TMEM202: variants seen among roughly 807,000 people sequenced by gnomAD.
TMEM202 encodes transmembrane protein 202.
TMEM202 carries 25 observed loss-of-function variants against 26.1 expected under a neutral mutation model. The ratio of observed to expected loss-of-function variants is 0.96; its 90% CI spans 0.70 to 1.34. The LOEUF is 1.34. Among genes scored for constraint, TMEM202 ranks in the 40% most tolerant of loss-of-function variants. The pLI is 0.00. For missense variants in TMEM202, 301 were observed against 327.7 expected, an observed-to-expected ratio of 0.92 and a Z score of 0.63; for synonymous variants, 122 against 119.0, an observed-to-expected ratio of 1.02 and a Z score of -0.16.
chr15:72,398,671 A>AAAC lies in TMEM202; in HGVS notation c.102_104dup (p.Lys34_His35insGln). ...CTTGTAGCCTACCGTCCCTGCCAAG[A>AAAC]AACATCCAAGTGCCTCGATGTCATG... On this transcript the variant is annotated inframe_insertion, in exon 2 of 5. Transcript: ENST00000341689. 1 of 1,614,164 alleles carries AAAC rather than the reference A, an allele frequency of 6.2e-7. No homozygotes were observed. Among genetic ancestry groups the AAAC allele is most frequent in the East Asian group, 2.2e-5 (1 of 44,878 alleles).
intron 2 of TMEM202, among the ~76,000 whole-genome samples, chr15:72,401,989 C>T (rs574001316): frequency 3.3e-5 from 5 of 152,030 alleles, no homozygotes; most frequent in Admixed American, 6.5e-5. Context: ...TTTTTGAGAT[C>T]GAATCTCATT....
chr15:72,398,494 A>T, intron 1 of TMEM202, 87 bp downstream of exon 1: 1 of 1,430,220 alleles, frequency 7.0e-7, no homozygotes, highest in Non-Finnish European at 9.4e-7. Flanking sequence ...AAGACAGAAA[A>T]GATCACCCTG....
At position 72,407,154 on chromosome 15, in the gene TMEM202, G is replaced by A. The variant is rs780207968; in HGVS notation, c.556G>A (p.Glu186Lys). 2 of 1,613,454 alleles carry A rather than the reference G, an allele frequency of 1.2e-6. No homozygotes were observed. Among genetic ancestry groups the A allele is most frequent in the South Asian group, 2.2e-5 (2 of 91,040 alleles). The change falls in exon 4 of 5, where the codon GAG becomes AAG. Residue 186 changes from glutamate (E) to lysine (K), a missense_variant. Physicochemically the swap from Glu to Lys is moderately conservative, Grantham distance 56. Coordinates refer to ENST00000341689, the MANE Select transcript of TMEM202 (RefSeq NM_001080462.3). ...QVHWHTRDAM[E>K]SDLLWTYYLN... ...TCACTGGCATACTAGGGATGCCATG[G>A]AGTCAGATCTCCTATGGACCTATTA...
chr15:72,399,135 T>C (rs945426093), intron 2 of TMEM202, among the ~76,000 whole-genome samples: 5 of 152,126 alleles, frequency 3.3e-5, no homozygotes, highest in African/African-American at 1.2e-4. Context: ...AAGAACTGTT[T>C]TTGTTTGTTG....
intron 2 of TMEM202, among the ~76,000 whole-genome samples, chr15:72,400,557 AT>A (rs1403375089): frequency 2.0e-5 from 3 of 152,242 alleles, no homozygotes; most frequent in South Asian, 4.1e-4. Flanking sequence ...CTGCAATCAT[AT>A]TTATGTAACT....
chr15:72,404,948 C>T (rs1315394541), intron 2 of TMEM202, among the ~76,000 whole-genome samples: 1 of 152,178 alleles, frequency 6.6e-6, no homozygotes, highest in Non-Finnish European at 1.5e-5. Flanking sequence ...CTGCATAACC[C>T]AGTCTTCAGA....
intron 1 of TMEM202, 105 bp from the exon 2 acceptor site, chr15:72,398,548 T>G: frequency 6.8e-7 from 1 of 1,464,372 alleles, no homozygotes; most frequent in Non-Finnish European, 9.2e-7. Context: ...GAAAAATATC[T>G]ATAAATCAAA....
intron 2 of TMEM202, among the ~76,000 whole-genome samples, chr15:72,405,678 C>A (rs2063567476): frequency 6.6e-6 from 1 of 152,084 alleles, no homozygotes; most frequent in African/African-American, 2.4e-5. Context: ...GGCTTGAAAT[C>A]ATCATAATAT....
chr15:72,407,159 A>G lies in TMEM202; in HGVS notation c.561A>G (p.Ser187=). 1 of 1,613,518 alleles carries G rather than the reference A, an allele frequency of 6.2e-7. No homozygotes were observed. The highest frequency in any genetic ancestry group is 8.5e-7 in the Non-Finnish European group (1 of 1,179,766). ...VHWHTRDAME[S]DLLWTYYLNW... is the part of the protein sequence containing the mutation. ...GGCATACTAGGGATGCCATGGAGTC[A>G]GATCTCCTATGGACCTATTATCTTA... The change falls in exon 4 of 5, where the codon TCA becomes TCG. Residue 187 remains serine (S), a synonymous_variant. Coordinates refer to ENST00000341689, the MANE Select transcript of TMEM202 (RefSeq NM_001080462.3).
Position 72,398,846 on chromosome 15 carries a change from A to G in TMEM202, c.275A>G (p.Tyr92Cys), listed in dbSNP as rs982900952. The change falls in exon 2 of 5, where the codon TAC becomes TGC. Residue 92 changes from tyrosine (Y) to cysteine (C), a missense_variant. By Grantham distance (194) the Tyr-to-Cys change is radical. Coordinates refer to ENST00000341689, the MANE Select transcript of TMEM202 (RefSeq NM_001080462.3). The part of the protein sequence containing the change: ...FLVIKNGLEL[Y>C]AGLWTLCNHE... ...GTGATCAAGAATGGCCTTGAGCTCT[A>G]CGCAGGACTCTGGACCTTATGCAAC... The G allele has an allele frequency of 1.2e-6, 2 of 1,614,112 alleles. No homozygotes were observed. The highest frequency in any genetic ancestry group is 1.7e-4 in the Middle Eastern group (1 of 6,022).
Position 72,407,791 on chromosome 15 carries a change from G to A in TMEM202, c.720G>A (p.Pro240=), listed in dbSNP as rs140026568. The part of the protein sequence containing the change: ...PTERSRLGVG[P]VTTVSPAKDE... ...AGAGATCAAGGCTGGGGGTTGGTCC[G>A]GTGACTACAGTATCACCTGCTAAAG... The change falls in exon 5 of 5, where the codon CCG becomes CCA. Residue 240 remains proline (P), a synonymous_variant. Coordinates refer to ENST00000341689, the MANE Select transcript of TMEM202 (RefSeq NM_001080462.3). 1.0e-4 allele frequency: 164 copies of A among 1,614,000 alleles called. No homozygotes were observed. In the African/African-American group the frequency reaches 1.4e-3, roughly 14 times the overall value.
At position 72,406,738 on chromosome 15, in the gene TMEM202, C is replaced by T. The variant is rs1351254582; in HGVS notation, c.474C>T (p.Leu158=). The part of the protein sequence containing the change: ...TTNLDLKVSM[L]SFISATCLLL... ...ACTTGGATCTGAAGGTATCCATGCTCAGCTTCATCTCAGGTACAGACCTAG... is the reference window on the plus strand; with the variant it reads ...ACTTGGATCTGAAGGTATCCATGCTTAGCTTCATCTCAGGTACAGACCTAG... The change falls in exon 3 of 5, where the codon CTC becomes CTT. Residue 158 remains leucine (L), a synonymous_variant. Coordinates refer to ENST00000341689, the MANE Select transcript of TMEM202 (RefSeq NM_001080462.3). The T allele has an allele frequency of 1.2e-6, 2 of 1,613,986 alleles. No individual in the cohort carries two copies. The highest frequency in any genetic ancestry group is 1.3e-5 in the African/African-American group (1 of 74,924).
At chr15:72,398,937 GC>G in intron 2 of TMEM202, 29 bp downstream of exon 2, 2 of 1,590,470 alleles carry the variant, frequency 1.3e-6, no homozygotes, top group Non-Finnish European at 1.7e-6. Context: ...AATGCCACAG[GC>G]CCCACACAAT....
chr15:72,402,182 T>C (rs1295234730), intron 2 of TMEM202, among the ~76,000 whole-genome samples: 1 of 152,088 alleles, frequency 6.6e-6, no homozygotes, highest in Admixed American at 6.5e-5. Context: ...GCCAGGCAGG[T>C]CTTGAACTCC....
chr15:72,407,617 G>A (rs1008042474), intron 4 of TMEM202, 74 bp from the exon 5 acceptor site: 2 of 1,368,644 alleles, frequency 1.5e-6, no homozygotes. Context: ...GGTTATTAAA[G>A]GATGCATAAG....
intron 2 of TMEM202, among the ~76,000 whole-genome samples, chr15:72,404,272 A>T (rs935110099): frequency 2.0e-5 from 3 of 152,036 alleles, no homozygotes; most frequent in Non-Finnish European, 4.4e-5. Context: ...AAAATTAGCC[A>T]GGTGTGGTAG....
At position 72,407,823 on chromosome 15, in the gene TMEM202, G is replaced by A; in HGVS notation, c.752G>A (p.Gly251Glu). 1 of 1,614,058 alleles carries A rather than the reference G, an allele frequency of 6.2e-7. No individual in the cohort carries two copies. The highest frequency in any genetic ancestry group is 8.5e-7 in the Non-Finnish European group (1 of 1,180,010). The change falls in exon 5 of 5, where the codon GGG (glycine) becomes GAG (glutamate). Residue 251 changes from glycine (G) to glutamate (E), a missense_variant. Physicochemically the swap from Gly to Glu is moderately conservative, Grantham distance 98. Coordinates refer to ENST00000341689, the MANE Select transcript of TMEM202 (RefSeq NM_001080462.3). ...VTTVSPAKDEGPRSEMESLSV... is the reference protein window; with the variant it reads ...VTTVSPAKDEEPRSEMESLSV... ...ACAGTATCACCTGCTAAAGATGAAG[G>A]GCCAAGGTCTGAGATGGAATCTCTA...
intron 4 of TMEM202, 30 bp from the exon 5 acceptor site, chr15:72,407,661 A>G: frequency 3.2e-6 from 5 of 1,568,610 alleles, no homozygotes; most frequent in Non-Finnish European, 4.4e-6. Flanking sequence ...TGCCTATTGA[A>G]CCTCACCTCA....
At chr15:72,403,833 G>T (rs2063559654) in intron 2 of TMEM202, among the ~76,000 whole-genome samples, 2 of 152,258 alleles carry the variant, frequency 1.3e-5, no homozygotes, top group Admixed American at 6.5e-5. Context: ...TAATAGACTT[G>T]GTTACTTTGG....
Sources: gnomAD v4.1 joint callset for allele counts (sites outside exome capture counted in the v4.1 genomes callset) on GRCh38, gnomAD v4.1.1 for gene constraint, MANE v1.5 for transcripts, NCBI Gene and HGNC (gene_info 2026-07-23, HGNC 2026-07-21) for gene names.